The following TRDN variants were observed in gnomAD, a reference collection of about 807,000 sequenced individuals.
TRDN encodes triadin.
Under a neutral mutation model 149.7 loss-of-function variants are expected in TRDN, and 161 were observed. The ratio of observed to expected loss-of-function variants is 1.08; its 90% confidence interval spans 0.95 to 1.23. The LOEUF (loss-of-function observed/expected upper bound fraction) is 1.23, where lower values mean the gene tolerates loss of function less well. TRDN is among the 50% of genes most tolerant of loss of function. The probability of loss-of-function intolerance (pLI) is 0.00; values close to 1 mark genes in which losing one functional copy is unlikely to be tolerated. For synonymous variants in TRDN, 294 were observed against 250.5 expected, an observed-to-expected ratio of 1.17 and a Z score of -1.64; for missense variants, 896 against 823.5, an observed-to-expected ratio of 1.09 and a Z score of -1.08.
At chr6:123,291,537 C>T (rs1187228545) in intron 24 of TRDN, among the ~76,000 whole-genome samples, 2 of 152,004 alleles carry the variant, frequency 1.3e-5, no homozygotes, top group African/African-American at 4.8e-5. Context: ...TGCACTCCAA[C>T]CTGGGCGACA....
intron 10 of TRDN, among the ~76,000 whole-genome samples, chr6:123,444,127 T>G (rs9388243): frequency 0.023 from 2,853 of 123,848 alleles, 75 homozygotes; most frequent in African/African-American, 0.052. Flanking sequence ...GCCATTTTCA[T>G]GATATTGATT....
intron 9 of TRDN, chr6:123,471,437 A>G (rs1213735704): frequency 6.6e-6 from 1 of 152,222 alleles, no homozygotes; most frequent in Non-Finnish European, 1.5e-5. Flanking sequence ...TCCCAATAAT[A>G]CATCTTATTG....
chr6:123,499,719 A>AAAAAAAAAAAAAAAAAAAATATATAT, intron 8 of TRDN, among the ~76,000 whole-genome samples: 2 of 47,678 alleles, frequency 4.2e-5, no homozygotes, highest in African/African-American at 7.2e-5. Flanking sequence ...AAAAAAAAAA[A>AAAAAAAAAAAAAAAAAAAATATATAT]ATATATATAT....
intron 29 of TRDN, 106 bp downstream of exon 29, chr6:123,272,858 C>G: frequency 1.2e-6 from 1 of 845,074 alleles, no homozygotes; most frequent in Non-Finnish European, 1.8e-6. Context: ...TGACTTAAGA[C>G]ATGAATTGTC....
At chr6:123,270,466 G>A (rs1777169004) in intron 30 of TRDN, among the ~76,000 whole-genome samples, 2 of 151,872 alleles carry the variant, frequency 1.3e-5, no homozygotes. Context: ...AGTAAGAGAT[G>A]GGATTCTCTT....
At chr6:123,468,735 C>T (rs900227174) in intron 9 of TRDN, 1 of 152,142 alleles carries the variant, frequency 6.6e-6, no homozygotes, top group African/African-American at 2.4e-5. Flanking sequence ...TTCTGAACAA[C>T]TGAAGCCTAC....
At chr6:123,268,019 A>T (rs1445220928) in intron 31 of TRDN, among the ~76,000 whole-genome samples, 1 of 152,138 alleles carries the variant, frequency 6.6e-6, no homozygotes, top group Non-Finnish European at 1.5e-5. Context: ...GTGTTGTATA[A>T]GAGGATAGAA....
At chr6:123,511,244 A>G (rs1432350406) in intron 7 of TRDN, among the ~76,000 whole-genome samples, 1 of 152,086 alleles carries the variant, frequency 6.6e-6, no homozygotes, top group African/African-American at 2.4e-5. Context: ...CCTTTCCTCA[A>G]TATATGTTAT....
At chr6:123,362,019 T>C (rs1408837195) in intron 20 of TRDN, among the ~76,000 whole-genome samples, 1 of 152,206 alleles carries the variant, frequency 6.6e-6, no homozygotes, top group Non-Finnish European at 1.5e-5. Flanking sequence ...TTATGTAAAA[T>C]TAATCTTGCC....
At chr6:123,562,804 C>T (rs1486181293) in intron 2 of TRDN, among the ~76,000 whole-genome samples, 1 of 152,020 alleles carries the variant, frequency 6.6e-6, no homozygotes, top group Non-Finnish European at 1.5e-5. Context: ...GCTTTTAAAC[C>T]AAAGGAAAAA....
intron 12 of TRDN, among the ~76,000 whole-genome samples, chr6:123,435,728 A>G (rs1034911211): frequency 6.6e-6 from 1 of 152,132 alleles, no homozygotes; most frequent in Non-Finnish European, 1.5e-5. Context: ...GAAAGACAAC[A>G]CTAGCTGAAT....
chr6:123,342,600 A>T (rs531377955), intron 21 of TRDN, among the ~76,000 whole-genome samples: 1 of 152,078 alleles, frequency 6.6e-6, no homozygotes, highest in African/African-American at 2.4e-5. Flanking sequence ...GGTAGGTATT[A>T]TCCATAATTT....
intron 33 of TRDN, among the ~76,000 whole-genome samples, chr6:123,260,917 G>T (rs971534195): frequency 3.3e-5 from 5 of 151,506 alleles, no homozygotes; most frequent in African/African-American, 1.2e-4. Flanking sequence ...GAATAAACAA[G>T]ATCTAGTACT....
intron 2 of TRDN, among the ~76,000 whole-genome samples, chr6:123,558,893 C>G (rs1781822651): frequency 6.6e-6 from 1 of 152,246 alleles, no homozygotes; most frequent in Non-Finnish European, 1.5e-5. Flanking sequence ...TCCAGAACCT[C>G]CTCCCCCAGG....
At chr6:123,286,101 G>A (rs1239689761) in intron 24 of TRDN, among the ~76,000 whole-genome samples, 2 of 152,066 alleles carry the variant, frequency 1.3e-5, no homozygotes, top group Non-Finnish European at 2.9e-5. Context: ...TAACCACTTT[G>A]GAAAACAGTT....
At position 123,503,918 on chromosome 6, in the gene TRDN, G is replaced by T; in HGVS notation, c.611-17C>A. The T allele has an allele frequency of 6.5e-7, 1 of 1,527,544 alleles. No individual in the cohort carries two copies. The highest frequency in any genetic ancestry group is 8.8e-7 in the Non-Finnish European group (1 of 1,141,326). The allele number at this position is 1,527,544 out of a possible 1,614,324, so 94.6% of individuals were successfully genotyped here. ...TCTTCTGTTCTGTATAAAGTTAAAAGATGTTGAAATACTTTTGTTTATTTA... is the reference window on the plus strand; with the variant it reads ...TCTTCTGTTCTGTATAAAGTTAAAATATGTTGAAATACTTTTGTTTATTTA... On this transcript the variant is annotated splice_polypyrimidine_tract_variant and intron_variant, in intron 7 of 40. Coordinates refer to ENST00000334268, the MANE Select transcript of TRDN (RefSeq NM_006073.4).
At chr6:123,495,694 C>T (rs1394505800) in intron 9 of TRDN, among the ~76,000 whole-genome samples, 1 of 151,996 alleles carries the variant, frequency 6.6e-6, no homozygotes, top group Non-Finnish European at 1.5e-5. Context: ...TATATATAGA[C>T]TGAAACTTGT....
intron 10 of TRDN, among the ~76,000 whole-genome samples, chr6:123,445,408 C>A (rs1361328486): frequency 8.1e-6 from 1 of 122,974 alleles, no homozygotes; most frequent in Admixed American, 8.0e-5. Flanking sequence ...AACTAAAGAG[C>A]TTCTGCACAG....
At chr6:123,315,323 T>TTC (rs1285400285) in intron 24 of TRDN, among the ~76,000 whole-genome samples, 3 of 151,974 alleles carry the variant, frequency 2.0e-5, no homozygotes, top group Admixed American at 1.3e-4. Flanking sequence ...TATGCTTTTT[T>TTC]TCTGCAGTTT....
Sources: gnomAD v4.1 joint callset for allele counts (sites outside exome capture counted in the v4.1 genomes callset) on GRCh38, gnomAD v4.1.1 for gene constraint, MANE v1.5 for transcripts, NCBI Gene and HGNC (gene_info 2026-07-23, HGNC 2026-07-21) for gene names.